OXR1: variants seen among roughly 807,000 people sequenced by gnomAD.
The protein encoded by OXR1 is oxidation resistance 1, also known as oxidation resistance protein 1.
OXR1 carries 41 observed loss-of-function variants against 104.6 expected under a neutral mutation model. The ratio of observed to expected loss-of-function variants is 0.39; its 90% CI spans 0.31 to 0.51. OXR1 has a LOEUF of 0.51. Among genes scored for constraint, OXR1 ranks in the 20% least tolerant of loss-of-function variants. The probability of loss-of-function intolerance (pLI) is 0.77; values close to 1 mark genes in which losing one functional copy is unlikely to be tolerated. For synonymous variants in OXR1, 348 were observed against 348.4 expected, an observed-to-expected ratio of 1.00 and a Z score of 0.01; for missense variants, 955 against 1,031.9, an observed-to-expected ratio of 0.93 and a Z score of 1.02.
chr8:106,678,206 G>C (rs1827794539), intron 3 of OXR1, among the ~76,000 whole-genome samples: 1 of 151,942 alleles, frequency 6.6e-6, no homozygotes, highest in African/African-American at 2.4e-5. Context: ...TTTAGTGCTT[G>C]TTTAGAACCA....
At chr8:106,411,526 G>A (rs183457527) in intron 2 of OXR1, among the ~76,000 whole-genome samples, 3 of 152,238 alleles carry the variant, frequency 2.0e-5, no homozygotes, top group African/African-American at 7.2e-5. Context: ...TCTCTCATGT[G>A]ATATTTCTGG....
intron 1 of OXR1, among the ~76,000 whole-genome samples, chr8:106,271,404 T>C (rs1016928247): frequency 6.6e-6 from 1 of 152,060 alleles, no homozygotes; most frequent in Non-Finnish European, 1.5e-5. Flanking sequence ...GTGTAGGGTC[T>C]GAATGTGTGT....
rs1587254355 is a variant in OXR1 at position 106,726,191 on chromosome 8, T to G, written c.1957-11329T>G. ...TATCTTTGACAGAGGAAGAATGCTT[T>G]TGAAAACAGTTCTTACGTGATTTTA... On this transcript the variant is annotated intron_variant, in intron 11 of 16. Transcript: ENST00000517566. The G allele has an allele frequency of 2.7e-6, 4 of 1,497,750 alleles. No individual in the cohort carries two copies. The East Asian group carries it at 1.0e-4, about 38-fold the overall frequency. 92.8% of individuals were successfully genotyped at this position (1,497,750 alleles called of 1,614,324 possible).
At chr8:106,336,806 C>T (rs1174499053) in intron 1 of OXR1, among the ~76,000 whole-genome samples, 1 of 152,148 alleles carries the variant, frequency 6.6e-6, no homozygotes, top group Non-Finnish European at 1.5e-5. Context: ...CTTCCTGGTA[C>T]TTCATGTCAT....
intron 11 of OXR1, chr8:106,726,380 A>G (rs755674065): frequency 3.6e-6 from 3 of 833,294 alleles, no homozygotes; most frequent in Non-Finnish European, 5.3e-6. Context: ...GAAAAATTAT[A>G]CAATTTCTGA....
intron 7 of OXR1, among the ~76,000 whole-genome samples, chr8:106,697,222 T>C (rs1224352366): frequency 6.6e-6 from 1 of 151,804 alleles, no homozygotes; most frequent in Non-Finnish European, 1.5e-5. Context: ...TTTTGATGGG[T>C]ATGGGGAAGG....
intron 2 of OXR1, among the ~76,000 whole-genome samples, chr8:106,371,030 G>C (rs568980755): frequency 6.7e-6 from 1 of 149,928 alleles, no homozygotes; most frequent in Admixed American, 6.6e-5. Flanking sequence ...CTGGTCCTGG[G>C]CTTTTTTTTT....
At chr8:106,720,058 G>A (rs1304950157) in intron 11 of OXR1, among the ~76,000 whole-genome samples, 1 of 152,080 alleles carries the variant, frequency 6.6e-6, no homozygotes, top group African/African-American at 2.4e-5. Context: ...CGCCTGCCTT[G>A]GCCTCCCAAA....
chr8:106,482,581 C>T (rs1822199354), intron 2 of OXR1, among the ~76,000 whole-genome samples: 1 of 152,016 alleles, frequency 6.6e-6, no homozygotes, highest in Admixed American at 6.6e-5. Context: ...GTTTTTGGCC[C>T]ATGGTAAGTA....
chr8:106,684,176 G>T, intron 5 of OXR1, 70 bp from the exon 6 acceptor site: 1 of 729,378 alleles, frequency 1.4e-6, no homozygotes, highest in Non-Finnish European at 2.4e-6. Context: ...AATAGTGCTT[G>T]CTTATAGAAC....
At chr8:106,606,752 C>G (rs1019252664) in intron 3 of OXR1, among the ~76,000 whole-genome samples, 1 of 152,046 alleles carries the variant, frequency 6.6e-6, no homozygotes. Flanking sequence ...CATCTGCGTC[C>G]TTAATTTCTC....
intron 1 of OXR1, among the ~76,000 whole-genome samples, chr8:106,319,664 C>T (rs1254808985): frequency 6.6e-6 from 1 of 152,198 alleles, no homozygotes; most frequent in Non-Finnish European, 1.5e-5. Flanking sequence ...TAAGAAGCAG[C>T]TGCAGCCGTT....
At chr8:106,736,626 T>C (rs1364357291) in intron 11 of OXR1, among the ~76,000 whole-genome samples, 1 of 152,210 alleles carries the variant, frequency 6.6e-6, no homozygotes, top group Non-Finnish European at 1.5e-5. Context: ...CTGAAAAAGC[T>C]GTAACTATTA....
chr8:106,557,905 TAA>T (rs1269516059), intron 3 of OXR1, among the ~76,000 whole-genome samples: 3 of 152,224 alleles, frequency 2.0e-5, no homozygotes, highest in African/African-American at 7.2e-5. Context: ...GAAAAATCAA[TAA>T]GTGATAATTT....
At chr8:106,703,859 T>C (rs1830827926) in intron 8 of OXR1, among the ~76,000 whole-genome samples, 1 of 152,228 alleles carries the variant, frequency 6.6e-6, no homozygotes, top group Admixed American at 6.5e-5. Context: ...TCCTCATTCC[T>C]TCATACATGA....
intron 15 of OXR1, among the ~76,000 whole-genome samples, chr8:106,745,521 G>C (rs1253457937): frequency 1.3e-5 from 2 of 152,020 alleles, no homozygotes; most frequent in Non-Finnish European, 2.9e-5. Context: ...GGTGTCTGTA[G>C]AGTCAGGAGA....
chr8:106,680,937 C>G (rs1828086368), intron 4 of OXR1, among the ~76,000 whole-genome samples: 1 of 152,192 alleles, frequency 6.6e-6, no homozygotes, highest in Non-Finnish European at 1.5e-5. Context: ...ATTTGCTTCC[C>G]TGACCTACTG....
At chr8:106,307,840 A>G (rs920638954) in intron 1 of OXR1, among the ~76,000 whole-genome samples, 2 of 152,218 alleles carry the variant, frequency 1.3e-5, no homozygotes, top group Admixed American at 6.5e-5. Flanking sequence ...CAATGGCTAC[A>G]AAATCTTGGA....
rs543341506 is a variant in OXR1, at chr8:106,583,780, C to T, written c.220+64641C>T. On this transcript the variant is annotated intron_variant, in intron 3 of 16. Coordinates refer to ENST00000517566, the MANE Select transcript of OXR1 (RefSeq NM_001198533.2). ...TAAAGATAAAGCTAAAGTATCTTTTCGAAAAGCAGATTGACCTAGGAGAGA... is the reference window on the plus strand; with the variant it reads ...TAAAGATAAAGCTAAAGTATCTTTTTGAAAAGCAGATTGACCTAGGAGAGA... Among the ~76,000 whole-genome samples, 15 of 152,164 alleles carry T rather than the reference C, an allele frequency of 9.9e-5. No individual in the cohort carries two copies. The South Asian group carries it at 1.5e-3, about 15-fold the overall frequency.
Sources: allele counts gnomAD v4.1 joint callset (sites outside exome capture counted in the v4.1 genomes callset), GRCh38; gene constraint gnomAD v4.1.1; transcripts MANE v1.5; gene names NCBI Gene and HGNC (gene_info 2026-07-23, HGNC 2026-07-21).